DST: variants seen among roughly 807,000 people sequenced by gnomAD.
DST encodes the protein dystonin.
DST carries 253 observed loss-of-function variants against 875.2 expected under a neutral mutation model. The observed-to-expected ratio is 0.29, with a 90% confidence interval of 0.26 to 0.32. The LOEUF is 0.32. DST is among the 10% of genes least tolerant of loss of function. DST has a pLI of 1.00. For synonymous variants in DST, 3,124 were observed against 3,197.1 expected (o/e 0.98, Z 0.77); for missense variants, 8,287 against 9,111.6 (o/e 0.91, Z 3.68).
rs140881894 is a variant in DST at position 56,674,341 on chromosome 6, A to G, written c.1048-3534T>C. Among the ~76,000 whole-genome samples, 252 of 151,866 alleles carry G rather than the reference A, an allele frequency of 1.7e-3. 1 individual carries two copies. Among genetic ancestry groups the G allele is most frequent in the African/African-American group, 5.7e-3 (238 of 41,398 alleles). ...AAGACGGAGTCTCACTCTGTCGCTCAGCATGGAGTGCAGTGGCACCATCTC... is the reference window on the plus strand; with the variant it reads ...AAGACGGAGTCTCACTCTGTCGCTCGGCATGGAGTGCAGTGGCACCATCTC... On this transcript the variant is annotated intron_variant, in intron 9 of 103. Coordinates refer to ENST00000680361, the MANE Select transcript of DST (RefSeq NM_001374736.1).
chr6:56,536,899 C>T lies in DST; in HGVS notation c.16650G>A (p.Gln5550=). The stretch of plus-strand genomic sequence containing the variant: ...CTTGACCTAACCAGTTTACATCTTG[C>T]TGTTTACCTTGCAAGGGTTCAATCT... ...KEEIEPLQGK[Q]QDVNWLGQGL... is the part of the protein sequence containing the mutation. Residue 5550 remains glutamine, a synonymous_variant, in exon 62 of 104, where the codon CAG becomes CAA. Transcript: ENST00000680361. The T allele has an allele frequency of 6.2e-7, 1 of 1,613,918 alleles. No individual in the cohort carries two copies. Among genetic ancestry groups the T allele is most frequent in the African/African-American group, 1.3e-5 (1 of 75,046 alleles).
rs759148203 is a variant in DST, at chr6:56,536,892, C to T, written c.16657G>A (p.Val5553Ile). 8 of 1,613,952 alleles carry T rather than the reference C, an allele frequency of 5.0e-6. No individual in the cohort carries two copies. Among genetic ancestry groups the T allele is most frequent in the Non-Finnish European group, 6.8e-6 (8 of 1,179,840 alleles). The stretch of plus-strand genomic sequence containing the variant: ...ATAAGGCCTTGACCTAACCAGTTTA[C>T]ATCTTGCTGTTTACCTTGCAAGGGT... The part of the protein sequence containing the change: ...IEPLQGKQQD[V>I]NWLGQGLIQS... The change falls in exon 62 of 104, where the codon GTA becomes ATA. Residue 5553 changes from valine to isoleucine, a missense_variant. Physicochemically the swap from Val to Ile is conservative, Grantham distance 29. Around this residue, in one of 10 missense-constraint regions of DST, gnomAD observed 777 missense variants for 764.8 expected, o/e 1.02. Transcript: ENST00000680361.
At chr6:56,823,551 C>G (rs2099775668) in intron 4 of DST, among the ~76,000 whole-genome samples, 1 of 152,104 alleles carries the variant, frequency 6.6e-6, no homozygotes, top group Admixed American at 6.5e-5. Flanking sequence ...GCTGGGACTA[C>G]AGGTGCACGC....
chr6:56,923,775 T>C (rs967698615), intron 2 of DST, among the ~76,000 whole-genome samples: 1 of 152,152 alleles, frequency 6.6e-6, no homozygotes, highest in Non-Finnish European at 1.5e-5. Context: ...CCACCCACAT[T>C]ATGGAAGGCA....
intron 86 of DST, among the ~76,000 whole-genome samples, chr6:56,487,671 C>T (rs1006755865): frequency 6.6e-6 from 1 of 152,172 alleles, no homozygotes; most frequent in Admixed American, 6.5e-5. Flanking sequence ...CTACACAACT[C>T]AATCATAAGC....
intron 9 of DST, among the ~76,000 whole-genome samples, chr6:56,694,854 C>T (rs549720133): frequency 1.5e-4 from 23 of 152,176 alleles, no homozygotes; most frequent in East Asian, 5.8e-4. Flanking sequence ...AGGCCAGCAA[C>T]GGCAGTTCAT....
At chr6:56,621,771 T>G (rs1051247006) in intron 36 of DST, among the ~76,000 whole-genome samples, 1 of 152,180 alleles carries the variant, frequency 6.6e-6, no homozygotes, top group African/African-American at 2.4e-5. Context: ...CAACTCAAGA[T>G]CACCATAAAA....
At chr6:56,774,044 G>T (rs2099672863) in intron 4 of DST, among the ~76,000 whole-genome samples, 1 of 150,100 alleles carries the variant, frequency 6.7e-6, no homozygotes, top group South Asian at 2.1e-4. Context: ...AACCCAGGAG[G>T]TGGAGGTTGC....
At chr6:56,923,463 CAAAAAAAAA>C (rs57118743) in intron 2 of DST, among the ~76,000 whole-genome samples, 1,216 of 48,750 alleles carry the variant, frequency 0.025, 25 homozygotes, top group African/African-American at 0.082. Flanking sequence ...GGCTCACTGG[CAAAAAAAAA>C]AAAAAAAAAA....
At chr6:56,758,918 G>A (rs2099610596) in intron 4 of DST, among the ~76,000 whole-genome samples, 1 of 152,098 alleles carries the variant, frequency 6.6e-6, no homozygotes, top group East Asian at 1.9e-4. Context: ...GATTCAACCA[G>A]AGTGCACAAT....
At chr6:56,869,955 G>A (rs962206176) in intron 3 of DST, among the ~76,000 whole-genome samples, 3 of 151,954 alleles carry the variant, frequency 2.0e-5, no homozygotes, top group African/African-American at 7.3e-5. Flanking sequence ...TAAAGTGCTG[G>A]GATTACAGGC....
chr6:56,580,681 G>A (rs1175354210), intron 49 of DST, among the ~76,000 whole-genome samples: 1 of 150,462 alleles, frequency 6.6e-6, no homozygotes. Flanking sequence ...GAGTAGAAGT[G>A]TCCAAAGATT....
intron 4 of DST, among the ~76,000 whole-genome samples, chr6:56,796,891 GC>G (rs2099740497): frequency 6.6e-6 from 1 of 152,120 alleles, no homozygotes; most frequent in South Asian, 2.1e-4. Flanking sequence ...TCTGCAGTTT[GC>G]ATATTTTTCT....
intron 3 of DST, chr6:56,871,465 T>C: frequency 6.3e-7 from 1 of 1,594,638 alleles, no homozygotes; most frequent in Non-Finnish European, 8.6e-7. Context: ...GAATTTTTGC[T>C]GCACATGCTT....
At chr6:56,703,010 A>T (rs1222088466) in intron 7 of DST, among the ~76,000 whole-genome samples, 1 of 152,228 alleles carries the variant, frequency 6.6e-6, no homozygotes, top group Non-Finnish European at 1.5e-5. Context: ...GGCACTAGGT[A>T]TGTAGAAGAC....
In DST at chr6:56,593,980, C is replaced by G; in HGVS notation, c.12409G>C (p.Glu4137Gln). The part of the protein sequence containing the change: ...KLTHSLQEEL[E>Q]KFDADYTEFE... The stretch of plus-strand genomic sequence containing the variant: ...TCGGTATAGTCAGCATCAAACTTTT[C>G]TAATTCTTCCTGCAGAGAGTGAGTT... The change falls in exon 48 of 104, where the codon GAA (glutamate) becomes CAA (glutamine). Residue 4137 changes from glutamate (E) to glutamine (Q), a missense_variant. By Grantham distance (29) the Glu-to-Gln change is conservative (BLOSUM62 2). Transcript: ENST00000680361. The G allele has an allele frequency of 6.2e-7, 1 of 1,613,926 alleles. No homozygotes were observed. Among genetic ancestry groups the G allele is most frequent in the Non-Finnish European group, 8.5e-7 (1 of 1,179,868 alleles).
intron 3 of DST, among the ~76,000 whole-genome samples, chr6:56,885,549 A>G (rs961096025): frequency 1.4e-4 from 22 of 152,174 alleles, no homozygotes; most frequent in African/African-American, 4.8e-4. Context: ...TTAATCCCCA[A>G]TATGACAGTA....
At chr6:56,646,292 G>T (rs201204406) in intron 13 of DST, 110 bp from the exon 14 acceptor site, 2 of 547,058 alleles carry the variant, frequency 3.7e-6, no homozygotes, top group African/African-American at 3.9e-5. Context: ...GCAGTCAGTG[G>T]AATTCCTTTG....
intron 2 of DST, among the ~76,000 whole-genome samples, chr6:56,927,064 A>G (rs1023440678): frequency 4.6e-5 from 7 of 152,252 alleles, no homozygotes; most frequent in African/African-American, 1.7e-4. Flanking sequence ...TACAATAATT[A>G]AAGGATAAAA....
Sources: gnomAD v4.1 joint callset for allele counts (sites outside exome capture counted in the v4.1 genomes callset) on GRCh38, gnomAD v4.1.1 for gene constraint, gnomAD v4.1.1 regional missense constraint, MANE v1.5 for transcripts, NCBI Gene and HGNC (gene_info 2026-07-23, HGNC 2026-07-21) for gene names.